The following EPG5 variants were observed in gnomAD, a reference collection of about 807,000 sequenced individuals.
EPG5 encodes the protein ectopic P granules protein 5 homolog.
A neutral mutation model predicts 302.7 loss-of-function variants in EPG5; 159 were observed. The observed-to-expected ratio is 0.53, with a 90% confidence interval of 0.46 to 0.60. EPG5 has a LOEUF of 0.60. Ranked by LOEUF, EPG5 falls within the 20% of genes least tolerant of loss-of-function variation. EPG5 has a pLI of 0.00. For synonymous variants in EPG5, 1,158 were observed against 1,136.8 expected, an observed-to-expected ratio of 1.02 and a Z score of -0.37; for missense variants, 2,896 against 3,092.4, an observed-to-expected ratio of 0.94 and a Z score of 1.51.
In EPG5 at chr18:45,865,690, CA is replaced by C. The variant is rs1555661979; in HGVS notation, c.6690del (p.Asn2230LysfsTer6). 6.2e-7 allele frequency: 1 copy of C among 1,613,068 alleles called. No individual in the cohort carries two copies. Among genetic ancestry groups the C allele is most frequent in the Non-Finnish European group, 8.5e-7 (1 of 1,179,906 alleles). ...MVQFLSTLEQ[N>X]GKITLAVLEQ... ...TCTAGGACTGCTAAGGTGATTTTTC[CA>C]TTTTGTTCCAGGGTGCTGAGGAATT... is the stretch of plus-strand genomic sequence containing the variant. On this transcript the variant is annotated frameshift_variant, in exon 39 of 44. Transcript: ENST00000282041. LOFTEE classifies it high-confidence loss of function.
intron 11 of EPG5, 76 bp from the exon 12 acceptor site, chr18:45,930,906 A>C (rs1471720561): frequency 7.6e-7 from 1 of 1,310,876 alleles, no homozygotes; most frequent in South Asian, 1.6e-5. Context: ...CCAGAGAAAA[A>C]GATTTAGGAA....
At chr18:45,817,803 A>G in the EPG5 span, among the ~76,000 whole-genome samples, 1 of 152,222 alleles carries the variant, frequency 6.6e-6, no homozygotes, top group Non-Finnish European at 1.5e-5. Context: ...CAGAAGTTAC[A>G]CACTGTCATT....
At chr18:45,960,526 TA>T (rs11458641) in intron 1 of EPG5, among the ~76,000 whole-genome samples, 24 of 152,268 alleles carry the variant, frequency 1.6e-4, no homozygotes, top group Non-Finnish European at 2.9e-4. Flanking sequence ...ACATACAGAT[TA>T]AAAAACGATT....
intron 9 of EPG5, 149 bp from the exon 10 acceptor site, chr18:45,939,904 G>T (rs369149740): frequency 1.4e-6 from 1 of 702,722 alleles, no homozygotes. Context: ...CTAATGAAAT[G>T]GGGAAAATAA....
At chr18:45,803,163 A>T in the EPG5 span, among the ~76,000 whole-genome samples, 14 of 152,318 alleles carry the variant, frequency 9.2e-5, no homozygotes, top group African/African-American at 3.4e-4. Context: ...CATTTGAGAC[A>T]TTTCTCAGAG....
chr18:45,868,776 C>T (rs982585054), intron 36 of EPG5, among the ~76,000 whole-genome samples: 6 of 151,722 alleles, frequency 4.0e-5, no homozygotes, highest in African/African-American at 1.5e-4. Flanking sequence ...ATATGAGAGG[C>T]CGGGTGCAGT....
At chr18:45,837,701 A>T in the EPG5 span, 1 of 1,480,092 alleles carries the variant, frequency 6.8e-7, no homozygotes, top group Non-Finnish European at 8.9e-7. Flanking sequence ...GGCGCGGGGC[A>T]GCGAGCTCTG....
At chr18:45,801,114 G>A in the EPG5 span, among the ~76,000 whole-genome samples, 1 of 152,100 alleles carries the variant, frequency 6.6e-6, no homozygotes, top group Non-Finnish European at 1.5e-5. Flanking sequence ...TCAGCTCACT[G>A]CAACCTCTGC....
rs2048420655 is a variant in EPG5 at position 45,851,400 on chromosome 18, T to C, written c.*1067A>G. The C allele has an allele frequency of 6.6e-6, 1 of 152,088 alleles. No individual in the cohort carries two copies. Among genetic ancestry groups the C allele is most frequent in the Admixed American group, 6.5e-5 (1 of 15,272 alleles). The allele number at this position is 152,088 out of a possible 1,614,324, so 9.4% of individuals were successfully genotyped here. Reference sequence around the variant, plus strand: ...ACAGGCTTTGGTAATGAATGAACTGTCAACAACAGAAGGCACGTGGCTATG... The same window carrying C: ...ACAGGCTTTGGTAATGAATGAACTGCCAACAACAGAAGGCACGTGGCTATG... On this transcript the variant is annotated 3_prime_UTR_variant, in exon 44 of 44. Coordinates refer to ENST00000282041, the MANE Select transcript of EPG5 (RefSeq NM_020964.3).
chr18:45,818,815 C>T, the EPG5 span, among the ~76,000 whole-genome samples: 17 of 146,752 alleles, frequency 1.2e-4, no homozygotes, highest in Admixed American at 4.2e-4. Context: ...CTCTCTGCAA[C>T]CTCTGCCTCC....
intron 1 of EPG5, among the ~76,000 whole-genome samples, chr18:45,955,705 T>C (rs764525287): frequency 2.6e-5 from 4 of 152,188 alleles, no homozygotes; most frequent in African/African-American, 9.7e-5. Context: ...TCAGCCACAA[T>C]AGGTTTGTCT....
At position 45,955,057 on chromosome 18, in the gene EPG5, G is replaced by A. The variant is rs749346418; in HGVS notation, c.345C>T (p.Asp115=). 2 of 1,614,134 alleles carry A rather than the reference G, an allele frequency of 1.2e-6. No individual in the cohort carries two copies. Among genetic ancestry groups the A allele is most frequent in the Admixed American group, 1.7e-5 (1 of 60,018 alleles). Residue 115 remains aspartate, a synonymous_variant, in exon 2 of 44, where the codon GAC becomes GAT. Transcript: ENST00000282041. ...GGTGGACCTTTGGAGTGACTGCACT[G>A]TCCCCCACACAGGGTCTGGCCTCTC... ...EGGEARPCVG[D]SAVTPKVHPG...
At chr18:45,934,023 C>G (rs1248090290) in intron 11 of EPG5, among the ~76,000 whole-genome samples, 1 of 152,082 alleles carries the variant, frequency 6.6e-6, no homozygotes, top group Admixed American at 6.6e-5. Context: ...GGCACGGTGG[C>G]TCACGCCTGT....
At chr18:45,839,987 C>A in the EPG5 span, among the ~76,000 whole-genome samples, 1 of 152,172 alleles carries the variant, frequency 6.6e-6, no homozygotes, top group Admixed American at 6.5e-5. Flanking sequence ...TCAGGGTGCT[C>A]AGAAGAACGG....
In EPG5 at chr18:45,954,957, C is replaced by T; in HGVS notation, c.445G>A (p.Gly149Ser). 9.9e-6 allele frequency: 16 copies of T among 1,613,834 alleles called. No homozygotes were observed. Among genetic ancestry groups the T allele is most frequent in the Non-Finnish European group, 1.3e-5 (15 of 1,179,906 alleles). ...TEVEENMSVQ[G>S]GLSESAPQSN... ...TGGGGTGCACTTTCTGAAAGTCCACCTTGTACCGACATATTTTCCTCTACC... is the reference window on the plus strand; with the variant it reads ...TGGGGTGCACTTTCTGAAAGTCCACTTTGTACCGACATATTTTCCTCTACC... Residue 149 changes from glycine (G) to serine (S), a missense_variant, in exon 2 of 44, where the codon GGT (glycine) becomes AGT (serine). By Grantham distance (56) the Gly-to-Ser change is moderately conservative. Transcript: ENST00000282041.
At position 45,866,808 on chromosome 18, in the gene EPG5, T is replaced by C. The variant is rs1164534761; in HGVS notation, c.6611A>G (p.Gln2204Arg). Residue 2204 changes from glutamine (Q) to arginine (R), a missense_variant, in exon 38 of 44, where the codon CAG becomes CGG. Around this residue, in one of 5 missense-constraint regions of EPG5, gnomAD observed 620 missense variants for 704.2 expected, o/e 0.88. Transcript: ENST00000282041. Reference sequence around the variant, plus strand: ...TACCTCTCAACTTACAAGATGCTTCTGGCTGTCAGTAGGAATAGAAAGGCC... The same window carrying C: ...TACCTCTCAACTTACAAGATGCTTCCGGCTGTCAGTAGGAATAGAAAGGCC... ...SAGLSIPTDS[Q>R]KHLDAVPKCQ... 1.2e-6 allele frequency: 2 copies of C among 1,613,054 alleles called. No individual in the cohort carries two copies. Among genetic ancestry groups the C allele is most frequent in the East Asian group, 2.2e-5 (1 of 44,876 alleles).
chr18:45,834,205 C>G, the EPG5 span, among the ~76,000 whole-genome samples: 3 of 152,200 alleles, frequency 2.0e-5, no homozygotes, highest in East Asian at 1.9e-4. Flanking sequence ...CACCCCTACT[C>G]TAACCACCCC....
Position 45,940,694 on chromosome 18 carries a change from G to A in EPG5, c.1944-939C>T, listed in dbSNP as rs532993181. 2.9e-4 allele frequency among the ~76,000 whole-genome samples: 44 copies of A among 151,766 alleles called. No individual in the cohort carries two copies. In the South Asian group the frequency reaches 8.7e-3, roughly 30 times the overall value. ...TTGGCAGCATTTTCCCTATGTTAGT[G>A]GCATATAAAATGTATCTTAAAAAAT... On this transcript the variant is annotated intron_variant, in intron 9 of 43. Coordinates refer to ENST00000282041, the MANE Select transcript of EPG5 (RefSeq NM_020964.3).
intron 27 of EPG5, among the ~76,000 whole-genome samples, chr18:45,895,141 T>A (rs1162286484): frequency 6.6e-6 from 1 of 152,028 alleles, no homozygotes; most frequent in East Asian, 1.9e-4. Context: ...AATACAGGAA[T>A]GAAGTAGGGT....
Sources: allele counts gnomAD v4.1 joint callset (sites outside exome capture counted in the v4.1 genomes callset), GRCh38; gene constraint gnomAD v4.1.1; regional missense constraint gnomAD v4.1.1; transcripts MANE v1.5; gene names NCBI Gene and HGNC (gene_info 2026-07-23, HGNC 2026-07-21).